The following TDRD1 variants were observed in gnomAD, a reference collection of about 807,000 sequenced individuals.
TDRD1 encodes tudor domain containing 1, also known as tudor domain-containing protein 1.
A neutral mutation model predicts 140.6 loss-of-function variants in TDRD1; 37 were observed. That is an observed-to-expected ratio of 0.26 (90% confidence interval 0.20 to 0.35). The LOEUF (loss-of-function observed/expected upper bound fraction) is 0.35, where lower values mean the gene tolerates loss of function less well. TDRD1 is among the 10% of genes least tolerant of loss of function. TDRD1 has a pLI of 1.00. For missense variants in TDRD1, 1,243 were observed against 1,393.0 expected, an observed-to-expected ratio of 0.89 and a Z score of 1.71; for synonymous variants, 506 against 475.7, an observed-to-expected ratio of 1.06 and a Z score of -0.83.
At chr10:114,193,103 ATTTC>A (rs2034098168) in intron 3 of TDRD1, among the ~76,000 whole-genome samples, 1 of 151,772 alleles carries the variant, frequency 6.6e-6, no homozygotes, top group South Asian at 2.1e-4. Context: ...TAGCTCTCTG[ATTTC>A]TTTATTTTGT....
chr10:114,228,088 T>C, exon 25 of TDRD1: 1 of 1,605,310 alleles, frequency 6.2e-7, no homozygotes, highest in East Asian at 2.2e-5. Flanking sequence ...ATTCAACCAA[T>C]CAAAATAAAT....
At position 114,206,230 on chromosome 10, in the gene TDRD1, T is replaced by C. The variant is rs1348102614; in HGVS notation, c.1298-14T>C. 5.6e-6 allele frequency: 9 copies of C among 1,601,236 alleles called. No homozygotes were observed. Among genetic ancestry groups the C allele is most frequent in the Non-Finnish European group, 6.8e-6 (8 of 1,169,980 alleles). ...GTTTCTCAATGGAGGCATATTTTCT[T>C]AATCACTTTTTAGGAAAACTTTTAG... On this transcript the variant is annotated splice_polypyrimidine_tract_variant and intron_variant, in intron 10 of 25. Coordinates refer to ENST00000251864, the Ensembl canonical transcript of TDRD1.
intron 3 of TDRD1, among the ~76,000 whole-genome samples, chr10:114,195,919 G>T (rs1380182216): frequency 6.6e-6 from 1 of 151,998 alleles, no homozygotes; most frequent in Non-Finnish European, 1.5e-5. Flanking sequence ...CTTTTCCAGT[G>T]GTTGTTCTAC....
intron 3 of TDRD1, among the ~76,000 whole-genome samples, chr10:114,198,279 G>T (rs1011819895): frequency 2.0e-5 from 3 of 152,170 alleles, no homozygotes; most frequent in African/African-American, 7.2e-5. Flanking sequence ...GGAAAGTCTG[G>T]ACTCTCCACT....
chr10:114,212,598 G>A (rs1364727898), intron 14 of TDRD1, among the ~76,000 whole-genome samples: 4 of 152,122 alleles, frequency 2.6e-5, no homozygotes, highest in Non-Finnish European at 4.4e-5. Context: ...ACATTGTTTT[G>A]TAAGTTACTT....
intron 23 of TDRD1, 115 bp downstream of exon 23, chr10:114,227,414 C>T (rs527891571): frequency 1.3e-6 from 1 of 786,014 alleles, no homozygotes; most frequent in Non-Finnish European, 2.1e-6. Context: ...CCTCCTCCTC[C>T]ACAAATCCAG....
At chr10:114,202,412 C>T in intron 6 of TDRD1, 114 bp downstream of exon 6, 1 of 668,882 alleles carries the variant, frequency 1.5e-6, no homozygotes. Flanking sequence ...GGCAAGTTTC[C>T]TATTATATAA....
upstream of TDRD1, among the ~76,000 whole-genome samples, chr10:114,178,063 G>A (rs3979560): frequency 2.6e-5 from 4 of 151,674 alleles, no homozygotes; most frequent in Admixed American, 6.6e-5. Context: ...GGCTGGTCTC[G>A]AACTCCAGAC....
chr10:114,180,094 G>A (rs1210818832), intron 1 of TDRD1: 1 of 152,226 alleles, frequency 6.6e-6, no homozygotes. Context: ...TAGGAATAAC[G>A]AAATAAAAAT....
intron 10 of TDRD1, among the ~76,000 whole-genome samples, chr10:114,205,495 A>G (rs1002714368): frequency 6.6e-5 from 10 of 152,216 alleles, no homozygotes; most frequent in Admixed American, 5.9e-4. Context: ...TTACAATCTC[A>G]GCTTTTGCAT....
intron 19 of TDRD1, 140 bp downstream of exon 19, chr10:114,220,983 A>G: frequency 6.6e-6 from 4 of 604,574 alleles, no homozygotes. Flanking sequence ...ATATTGTATT[A>G]TTATTAAATT....
chr10:114,185,212 C>G (rs921177367), intron 1 of TDRD1, among the ~76,000 whole-genome samples: 1 of 152,156 alleles, frequency 6.6e-6, no homozygotes, highest in Admixed American at 6.5e-5. Context: ...GTTTTTGAGA[C>G]AGAGTCTCAT....
At chr10:114,214,136 G>T (rs772558479) in intron 16 of TDRD1, 22 bp downstream of exon 16, 1 of 1,608,572 alleles carries the variant, frequency 6.2e-7, no homozygotes, top group Non-Finnish European at 8.5e-7. Context: ...CTTGTCATTT[G>T]TTTCTTTTTA....
intron 16 of TDRD1, among the ~76,000 whole-genome samples, chr10:114,215,980 C>T (rs1028378199): frequency 6.6e-6 from 1 of 152,038 alleles, no homozygotes; most frequent in African/African-American, 2.4e-5. Flanking sequence ...TTTTTTCTTC[C>T]ACTACATTTT....
At chr10:114,217,524 T>C in intron 16 of TDRD1, 21 bp from the exon 17 acceptor site, 1 of 1,273,522 alleles carries the variant, frequency 7.9e-7, no homozygotes, top group South Asian at 1.3e-5. Context: ...CTTAATTTTT[T>C]AATCCTATGT....
chr10:114,196,833 CTTTTTTTTTTTTTTTTTT>C (rs36124319), intron 3 of TDRD1, among the ~76,000 whole-genome samples: 2 of 48,326 alleles, frequency 4.1e-5, no homozygotes, highest in Admixed American at 3.0e-4. Flanking sequence ...TTCTAGCAGT[CTTTTTTTTTTTTTTTTTT>C]TTTTTTTTTT....
In TDRD1 at chr10:114,203,165, A is replaced by G. The variant is rs757732883; in HGVS notation, c.790A>G (p.Met264Val). 1.9e-6 allele frequency: 3 copies of G among 1,610,542 alleles called. No individual in the cohort carries two copies. The highest frequency in any genetic ancestry group is 2.7e-5 in the African/African-American group (2 of 74,860). ...GAGAAGTCTACAACTCAAGAAAACC[A>G]TGGAAATAAAGGTATTTGTTTTTCT... Residue 264 changes from methionine (M) to valine (V), a missense_variant, in exon 7 of 26, where the codon ATG becomes GTG. By Grantham distance (21) the Met-to-Val change is conservative. This residue lies in a region of TDRD1 where 392 missense variants were observed against 394.1 expected (regional missense o/e 0.99). Transcript: ENST00000251864.
At chr10:114,210,373 C>T (rs750195451) in intron 11 of TDRD1, among the ~76,000 whole-genome samples, 4 of 152,092 alleles carry the variant, frequency 2.6e-5, no homozygotes, top group Non-Finnish European at 5.9e-5. Context: ...TTTCTTGGAC[C>T]AGTCTAGCTT....
intron 14 of TDRD1, 66 bp downstream of exon 14, chr10:114,212,102 C>G: frequency 7.0e-7 from 1 of 1,435,200 alleles, no homozygotes; most frequent in East Asian, 2.6e-5. Context: ...TGAAAAGATA[C>G]ACGAAATAGG....
Sources: allele counts gnomAD v4.1 joint callset (sites outside exome capture counted in the v4.1 genomes callset), GRCh38; gene constraint gnomAD v4.1.1; regional missense constraint gnomAD v4.1.1; transcripts MANE v1.5; gene names NCBI Gene and HGNC (gene_info 2026-07-23, HGNC 2026-07-21).